Variants in CAMK1G observed in about 807,000 individuals in gnomAD.
CAMK1G encodes the protein calcium/calmodulin dependent protein kinase IG, also known as calcium/calmodulin-dependent protein kinase type 1G.
A neutral mutation model predicts 54.8 loss-of-function variants in CAMK1G; 27 were observed. The observed-to-expected ratio is 0.49, with a 90% confidence interval of 0.36 to 0.68. CAMK1G has a LOEUF of 0.68. CAMK1G is among the 30% of genes least tolerant of loss of function. The pLI is 0.00. For synonymous variants in CAMK1G, 238 were observed against 224.9 expected (o/e 1.06, Z -0.52); for missense variants, 512 against 591.0 (o/e 0.87, Z 1.39).
intron 12 of CAMK1G, 34 bp from the exon 13 acceptor site, chr1:209,613,006 C>T: frequency 6.1e-6 from 4 of 658,580 alleles, no homozygotes; most frequent in South Asian, 5.0e-5. Flanking sequence ...GAGGTGGCAA[C>T]CCCCTCCTCA....
rs566337606 is a variant in CAMK1G at position 209,594,817 on chromosome 1, G to A, written c.-29-138G>A. On this transcript the variant is annotated intron_variant, in intron 1 of 12. Transcript: ENST00000361322. ...TGTGGAGATAGTTTCACTTTTTCCA[G>A]TTATCCAGGTTTGCTCCTAATCCTT... 10 of 571,386 alleles carry A rather than the reference G, an allele frequency of 1.8e-5. No individual in the cohort carries two copies. In the African/African-American group the frequency reaches 1.9e-4, roughly 11 times the overall value. The allele number at this position is 571,386 out of a possible 1,614,324, so 35.4% of individuals were successfully genotyped here.
intron 9 of CAMK1G, among the ~76,000 whole-genome samples, chr1:209,610,504 C>T (rs1665756645): frequency 6.6e-6 from 1 of 152,114 alleles, no homozygotes; most frequent in South Asian, 2.1e-4. Context: ...CCAGGATTGC[C>T]AGCATACCTC....
intron 2 of CAMK1G, among the ~76,000 whole-genome samples, chr1:209,596,708 G>A (rs1232248959): frequency 6.8e-6 from 1 of 146,112 alleles, no homozygotes; most frequent in Non-Finnish European, 1.5e-5. Flanking sequence ...CACACGTACT[G>A]AGCACTGAAC....
At chr1:209,584,935 T>C (rs1665057216) in intron 1 of CAMK1G, among the ~76,000 whole-genome samples, 1 of 152,216 alleles carries the variant, frequency 6.6e-6, no homozygotes, top group African/African-American at 2.4e-5. Flanking sequence ...AATGTGTTTA[T>C]AATTAATCAT....
chr1:209,600,655 A>T (rs59199674), intron 3 of CAMK1G, among the ~76,000 whole-genome samples: 3,490 of 152,336 alleles, frequency 0.023, 141 homozygotes, highest in African/African-American at 0.079. Context: ...TACCCTCAGG[A>T]GCCTATGCTG....
intron 4 of CAMK1G, among the ~76,000 whole-genome samples, chr1:209,604,463 G>A (rs371686779): frequency 1.3e-5 from 2 of 152,200 alleles, no homozygotes; most frequent in African/African-American, 2.4e-5. Context: ...TACAAAGAGT[G>A]TATTTCCTAC....
At chr1:209,602,943 A>G (rs1327739592) in intron 3 of CAMK1G, among the ~76,000 whole-genome samples, 1 of 152,230 alleles carries the variant, frequency 6.6e-6, no homozygotes, top group African/African-American at 2.4e-5. Flanking sequence ...TAAAGTTTAA[A>G]GAGATTCCTG....
chr1:209,611,885 C>G lies in CAMK1G; in HGVS notation c.1009C>G (p.Pro337Ala). 6.2e-7 allele frequency: 1 copy of G among 1,614,268 alleles called. No individual in the cohort carries two copies. The highest frequency in any genetic ancestry group is 8.5e-7 in the Non-Finnish European group (1 of 1,180,056). ...CGTCCGCCCAGAGGTGGAGAACAGG[C>G]CGCCTGAAACTCAAGCCTCAGAAAC... The part of the protein sequence containing the change: ...PGVRPEVENR[P>A]PETQASETSR... The change falls in exon 11 of 13, where the codon CCG (proline) becomes GCG (alanine). Residue 337 changes from proline to alanine, a missense_variant. Coordinates refer to ENST00000361322, the MANE Select transcript of CAMK1G (RefSeq NM_020439.3).
At chr1:209,586,614 A>T (rs1385477742) in intron 1 of CAMK1G, among the ~76,000 whole-genome samples, 1 of 152,100 alleles carries the variant, frequency 6.6e-6, no homozygotes, top group African/African-American at 2.4e-5. Context: ...TGTTTAATTC[A>T]TGTGCCTATA....
At chr1:209,604,938 G>A (rs2235453) in intron 4 of CAMK1G, among the ~76,000 whole-genome samples, 28,325 of 151,938 alleles carry the variant, frequency 0.19, 2,858 homozygotes, top group African/African-American at 0.25. Context: ...AAACTTCTAG[G>A]CAAAAATAGA....
intron 2 of CAMK1G, among the ~76,000 whole-genome samples, chr1:209,598,625 G>T (rs1309286970): frequency 6.6e-6 from 1 of 152,050 alleles, no homozygotes; most frequent in Non-Finnish European, 1.5e-5. Context: ...TTCCAATATG[G>T]TCTTCAAATT....
rs41283128 is a variant in CAMK1G at position 209,613,692 on chromosome 1, A to T, written c.*690A>T. 6.0e-3 allele frequency: 914 copies of T among 152,384 alleles called. 13 individuals carry two copies. The highest frequency in any genetic ancestry group is 5.0e-3 in the Non-Finnish European group (340 of 68,080). The allele number at this position is 152,384 out of a possible 1,614,324, so 9.4% of individuals were successfully genotyped here. ...CACCCTCCAAAGTGGAATAGAAAGA[A>T]GTTCATGAGTAAGGGCTGCAAGGAA... On this transcript the variant is annotated 3_prime_UTR_variant, in exon 13 of 13. Transcript: ENST00000361322.
intron 2 of CAMK1G, among the ~76,000 whole-genome samples, chr1:209,597,971 T>C (rs1432443805): frequency 6.6e-6 from 1 of 152,234 alleles, no homozygotes; most frequent in Non-Finnish European, 1.5e-5. Context: ...ATCAAGTCAT[T>C]TAATCTTCTA....
intron 4 of CAMK1G, 75 bp from the exon 5 acceptor site, chr1:209,605,461 G>A: frequency 1.3e-6 from 2 of 1,546,788 alleles, no homozygotes; most frequent in Admixed American, 1.8e-5. Flanking sequence ...GTCCCCCAAG[G>A]CTTCAAAGCA....
chr1:209,599,183 A>G (rs1215444623), intron 2 of CAMK1G, among the ~76,000 whole-genome samples: 1 of 152,196 alleles, frequency 6.6e-6, no homozygotes, highest in Non-Finnish European at 1.5e-5. Flanking sequence ...CATGAGGGAA[A>G]CTGCTCCCAT....
rs181313879 is a variant in CAMK1G, at chr1:209,584,183, A to G, written c.-30+411A>G. On this transcript the variant is annotated intron_variant, in intron 1 of 12. Coordinates refer to ENST00000361322, the MANE Select transcript of CAMK1G (RefSeq NM_020439.3). Reference sequence around the variant, plus strand: ...CTCTTGCACCCCTCCCTCCTGCTCAACCTTCATCTCTTAACCTCTCTGACC... The same window carrying G: ...CTCTTGCACCCCTCCCTCCTGCTCAGCCTTCATCTCTTAACCTCTCTGACC... 1.4e-3 allele frequency among the ~76,000 whole-genome samples: 211 copies of G among 152,176 alleles called. 1 individual carries two copies. The highest frequency in any genetic ancestry group is 2.0e-3 in the African/African-American group (81 of 41,534).
At position 209,612,029 on chromosome 1, in the gene CAMK1G, G is replaced by C; in HGVS notation, c.1153G>C (p.Gly385Arg). ...GCATGGCCGCCGGCCCACTGCCCCT[G>C]GTGGCAGGTCCCTCAACTGCCTGGT... ...CQHGRRPTAPGGRSLNCLVNG... is the reference protein window; with the variant it reads ...CQHGRRPTAPRGRSLNCLVNG... The change falls in exon 11 of 13, where the codon GGT becomes CGT. Residue 385 changes from glycine (G) to arginine (R), a missense_variant. Gly to Arg is a moderately radical substitution (Grantham distance 125, BLOSUM62 -2). This residue lies in a region of CAMK1G where 315 missense variants were observed against 330.5 expected (regional missense o/e 0.95). Transcript: ENST00000361322. The C allele has an allele frequency of 1.9e-6, 3 of 1,614,190 alleles. No homozygotes were observed. Among genetic ancestry groups the C allele is most frequent in the Non-Finnish European group, 2.5e-6 (3 of 1,180,036 alleles).
chr1:209,610,800 G>A (rs147116607), intron 9 of CAMK1G, among the ~76,000 whole-genome samples: 2 of 152,272 alleles, frequency 1.3e-5, no homozygotes, highest in Non-Finnish European at 2.9e-5. Flanking sequence ...TAGGCTCCTA[G>A]GGGTCAGGGC....
At position 209,609,846 on chromosome 1, in the gene CAMK1G, C is replaced by CT. The variant is rs759895279; in HGVS notation, c.749-3dup. 7 of 1,614,148 alleles carry CT rather than the reference C, an allele frequency of 4.3e-6. No homozygotes were observed. In the South Asian group the frequency reaches 7.7e-5, roughly 18 times the overall value. ...AGTCGTCGTGTCTTTGATTACTCCC[C>CT]TTAGCCAAGGACTTTATTTGCCACT... On this transcript the variant is annotated splice_polypyrimidine_tract_variant and splice_region_variant and intron_variant, in intron 8 of 12. Transcript: ENST00000361322.
Sources: gnomAD v4.1 joint callset for allele counts (sites outside exome capture counted in the v4.1 genomes callset) on GRCh38, gnomAD v4.1.1 for gene constraint, gnomAD v4.1.1 regional missense constraint, MANE v1.5 for transcripts, NCBI Gene and HGNC (gene_info 2026-07-23, HGNC 2026-07-21) for gene names.